The following CNKSR1 variants were observed in gnomAD, a reference collection of about 807,000 sequenced individuals.
The protein encoded by CNKSR1 is connector enhancer of kinase suppressor of Ras 1, also known as CNK homolog protein 1.
CNKSR1 carries 88 observed loss-of-function variants against 95.6 expected under a neutral mutation model. That is an observed-to-expected ratio of 0.92 (90% CI 0.78 to 1.10). The LOEUF is 1.10. Among genes scored for constraint, CNKSR1 ranks in the 50% least tolerant of loss-of-function variants. CNKSR1 has a pLI of 0.00. For synonymous variants in CNKSR1, 355 were observed against 369.7 expected (o/e 0.96, Z 0.46); for missense variants, 836 against 912.0 (o/e 0.92, Z 1.07).
chr1:26,179,855 G>T (rs901695767), intron 1 of CNKSR1, among the ~76,000 whole-genome samples: 3 of 152,156 alleles, frequency 2.0e-5, no homozygotes, highest in Non-Finnish European at 4.4e-5. Context: ...CAAACTGCTG[G>T]CTGGGCGTCG....
rs552449969 is a variant in CNKSR1 at position 26,179,933 on chromosome 1, C to T, written c.53-520C>T. Among the ~76,000 whole-genome samples, 9 of 152,100 alleles carry T rather than the reference C, an allele frequency of 5.9e-5. No homozygotes were observed. The East Asian group carries it at 1.2e-3, about 20-fold the overall frequency. ...GTCAAATTGCTTGAGCCCAGGAGTTCGAGACTAGCCTGGGCAACATGGTGA... is the reference window on the plus strand; with the variant it reads ...GTCAAATTGCTTGAGCCCAGGAGTTTGAGACTAGCCTGGGCAACATGGTGA... On this transcript the variant is annotated intron_variant, in intron 1 of 20. Transcript: ENST00000361530.
intron 9 of CNKSR1, 24 bp from the exon 10 acceptor site, chr1:26,184,047 G>A (rs1323344405): frequency 6.3e-6 from 10 of 1,591,790 alleles, no homozygotes; most frequent in Non-Finnish European, 8.6e-6. Context: ...TGTCTCCATT[G>A]CTTTGTTCCT....
At chr1:26,189,038 ACCAGACT>A (rs11278474) in intron 20 of CNKSR1, 85 bp downstream of exon 20, 1,295,139 of 1,308,968 alleles carry the variant, frequency 0.99, 641,823 homozygotes, top group East Asian at 1. Flanking sequence ...CACCCTGGGC[ACCAGACT>A]CCAGACTCCA....
intron 1 of CNKSR1, chr1:26,180,246 T>A: frequency 1.6e-6 from 1 of 627,986 alleles, no homozygotes; most frequent in Non-Finnish European, 2.8e-6. Context: ...CTGCTGCTGG[T>A]CTGGGGGCCA....
chr1:26,184,908 T>G (rs1365720888), intron 13 of CNKSR1, 106 bp from the exon 14 acceptor site: 1 of 1,168,424 alleles, frequency 8.6e-7, no homozygotes, highest in Non-Finnish European at 1.2e-6. Flanking sequence ...GAGCAGAGTG[T>G]GGGTTCAGAG....
At chr1:26,184,636 G>T in intron 13 of CNKSR1, 24 bp downstream of exon 13, 3 of 1,587,856 alleles carry the variant, frequency 1.9e-6, no homozygotes, top group Non-Finnish European at 2.6e-6. Flanking sequence ...TGGACTAGGT[G>T]GGGGTTCCCC....
intron 4 of CNKSR1, 193 bp downstream of exon 4, chr1:26,182,134 C>A: frequency 1.4e-6 from 1 of 727,620 alleles, no homozygotes; most frequent in Non-Finnish European, 2.4e-6. Context: ...AATTTTGACA[C>A]TCAGGACAGG....
In CNKSR1 at chr1:26,184,439, C is replaced by T. The variant is rs1387953055; in HGVS notation, c.1039C>T (p.Pro347Ser). 2 of 1,613,568 alleles carry T rather than the reference C, an allele frequency of 1.2e-6. No individual in the cohort carries two copies. The highest frequency in any genetic ancestry group is 2.2e-5 in the East Asian group (1 of 44,800). The change falls in exon 12 of 21, where the codon CCG becomes TCG. Residue 347 changes from proline to serine, a missense_variant. Coordinates refer to ENST00000361530, the MANE Select transcript of CNKSR1 (RefSeq NM_006314.3). ...TGGCCCTGAGCCCCTGCCCATCCCCCCGGAACCCCCAGCCATACTCCCAGC... is the reference window on the plus strand; with the variant it reads ...TGGCCCTGAGCCCCTGCCCATCCCCTCGGAACCCCCAGCCATACTCCCAGC... The part of the protein sequence containing the change: ...SLGPEPLPIP[P>S]EPPAILPAGV...
At chr1:26,187,085 G>C (rs968510241) in intron 14 of CNKSR1, 83 bp from the exon 15 acceptor site, 1 of 1,041,138 alleles carries the variant, frequency 9.6e-7, no homozygotes, top group Non-Finnish European at 1.5e-6. Flanking sequence ...ACAACTCTCA[G>C]GAGCCCGAGG....
chr1:26,185,316 T>C (rs1468758482), intron 14 of CNKSR1, 130 bp downstream of exon 14: 2 of 982,724 alleles, frequency 2.0e-6, no homozygotes. Flanking sequence ...AATGGGGACT[T>C]TATTCAGAGA....
At chr1:26,183,924 C>G (rs772514536) in intron 9 of CNKSR1, 94 bp downstream of exon 9, 29 of 524,130 alleles carry the variant, frequency 5.5e-5, no homozygotes, top group Non-Finnish European at 8.7e-5. Flanking sequence ...CAGACCCCCC[C>G]CAACAGGCAC....
At position 26,189,514 on chromosome 1, in the gene CNKSR1, C is replaced by A; in HGVS notation, c.2108C>A (p.Thr703Asn). 2 of 1,588,452 alleles carry A rather than the reference C, an allele frequency of 1.3e-6. No individual in the cohort carries two copies. Among genetic ancestry groups the A allele is most frequent in the Non-Finnish European group, 1.7e-6 (2 of 1,156,556 alleles). ...PEEHSHLCPLTSESSLRPPDL is the reference protein window; with the variant it reads ...PEEHSHLCPLNSESSLRPPDL ...GAGCACTCCCATCTCTGCCCCCTGA[C>A]CTCAGAGAGCAGCCTCCGACCTCCT... The change falls in exon 21 of 21, where the codon ACC becomes AAC. Residue 703 changes from threonine (T) to asparagine (N), a missense_variant. Thr to Asn is a moderately conservative substitution (Grantham distance 65, BLOSUM62 0). Transcript: ENST00000361530.
chr1:26,183,103 C>A, intron 6 of CNKSR1, 94 bp from the exon 7 acceptor site: 1 of 1,278,918 alleles, frequency 7.8e-7, no homozygotes, highest in Non-Finnish European at 1.1e-6. Context: ...TGCCACAGTT[C>A]CACCCACCAT....
intron 6 of CNKSR1, 65 bp from the exon 7 acceptor site, chr1:26,183,132 G>T: frequency 6.7e-7 from 1 of 1,491,874 alleles, no homozygotes; most frequent in Non-Finnish European, 9.4e-7. Flanking sequence ...GGTGTCTGGC[G>T]GGGGTCCTGC....
intron 14 of CNKSR1, 139 bp downstream of exon 14, chr1:26,185,325 G>C: frequency 1.1e-6 from 1 of 913,892 alleles, no homozygotes; most frequent in African/African-American, 1.6e-5. Flanking sequence ...TTTATTCAGA[G>C]AGAAATGAGT....
rs1250650857 is a variant in CNKSR1 at position 26,184,862 on chromosome 1, G to T, written c.1136-152G>T. 6 of 880,316 alleles carry T rather than the reference G, an allele frequency of 6.8e-6. No homozygotes were observed. The East Asian group carries it at 8.0e-5, about 12-fold the overall frequency. The allele number at this position is 880,316 out of a possible 1,614,324, so 54.5% of individuals were successfully genotyped here. ...TTTGCTCATCTCTAAAATAAGAAGG[G>T]TCATCCCACCTCAGAGATGACACAT... On this transcript the variant is annotated intron_variant, in intron 13 of 20. Transcript: ENST00000361530.
intron 6 of CNKSR1, 101 bp downstream of exon 6, chr1:26,182,685 C>A: frequency 9.2e-7 from 1 of 1,088,486 alleles, no homozygotes; most frequent in Non-Finnish European, 1.4e-6. Flanking sequence ...GCTGCCATGG[C>A]TGGAAAGCCT....
intron 8 of CNKSR1, 44 bp from the exon 9 acceptor site, chr1:26,183,682 AGAG>A: frequency 7.2e-7 from 1 of 1,392,104 alleles, no homozygotes. Context: ...TGGTTGCTTT[AGAG>A]CCTCCTGCCC....
intron 8 of CNKSR1, 139 bp downstream of exon 8, chr1:26,183,553 G>A: frequency 9.4e-7 from 1 of 1,069,488 alleles, no homozygotes; most frequent in Non-Finnish European, 1.4e-6. Context: ...TAAGTCTGGT[G>A]AGAGCATCCT....
Sources: allele counts gnomAD v4.1 joint callset (sites outside exome capture counted in the v4.1 genomes callset), GRCh38; gene constraint gnomAD v4.1.1; transcripts MANE v1.5; gene names NCBI Gene and HGNC (gene_info 2026-07-23, HGNC 2026-07-21).